SAMSN1: variants seen among roughly 807,000 people sequenced by gnomAD.
SAMSN1 encodes the protein SAM domain-containing protein SAMSN-1.
A neutral mutation model predicts 42.0 loss-of-function variants in SAMSN1; 31 were observed. The ratio of observed to expected loss-of-function variants is 0.74; its 90% CI spans 0.55 to 1.00. The LOEUF (loss-of-function observed/expected upper bound fraction) is 1.00. SAMSN1 is among the 50% of genes least tolerant of loss of function. The pLI, the probability that SAMSN1 is intolerant of heterozygous loss-of-function variation, is 0.00. For synonymous variants in SAMSN1, 178 were observed against 151.9 expected (o/e 1.17, Z -1.26); for missense variants, 464 against 439.4 (o/e 1.06, Z -0.50).
At chr21:14,604,210 G>A (rs1982508849) in intron 5 of SAMSN1, among the ~76,000 whole-genome samples, 1 of 152,184 alleles carries the variant, frequency 6.6e-6, no homozygotes, top group Non-Finnish European at 1.5e-5. Flanking sequence ...AAAGGCAGGA[G>A]TTGAATTAGA....
At chr21:14,617,547 A>G (rs889482479) in intron 2 of SAMSN1, among the ~76,000 whole-genome samples, 2 of 152,160 alleles carry the variant, frequency 1.3e-5, no homozygotes, top group African/African-American at 4.8e-5. Flanking sequence ...TCCACAGTCT[A>G]TGCAATCGGG....
At chr21:14,655,982 T>C (rs1224779883) in intron 1 of SAMSN1, among the ~76,000 whole-genome samples, 2 of 151,786 alleles carry the variant, frequency 1.3e-5, no homozygotes, top group African/African-American at 4.8e-5. Flanking sequence ...GCATCCAAAA[T>C]TCTTGGATGC....
At position 14,558,574 on chromosome 21, in the gene SAMSN1, G is replaced by A. The variant is rs542833828; in HGVS notation, c.261+23562C>T. Among the ~76,000 whole-genome samples, 12 of 152,056 alleles carry A rather than the reference G, an allele frequency of 7.9e-5. No homozygotes were observed. In the South Asian group the frequency reaches 2.3e-3, roughly 29 times the overall value. ...TGCATGCCTGTAGTCCCAGCTACTC[G>A]GGAGGCTGAAGCAGGAGAATTGTCT... On this transcript the variant is annotated intron_variant, in intron 2 of 8. Transcript: ENST00000285670.
chr21:14,571,608 A>G (rs2123220042), intron 2 of SAMSN1, among the ~76,000 whole-genome samples: 3 of 152,352 alleles, frequency 2.0e-5, no homozygotes, highest in African/African-American at 7.2e-5. Flanking sequence ...TGAGCGATAT[A>G]TTATGACTTT....
chr21:14,591,259 G>A (rs1392799544), intron 7 of SAMSN1: 1 of 152,092 alleles, frequency 6.6e-6, no homozygotes, highest in Non-Finnish European at 1.5e-5. Flanking sequence ...GAATGAATTA[G>A]TTAATAAAAT....
intron 1 of SAMSN1, among the ~76,000 whole-genome samples, chr21:14,654,623 C>T (rs963661853): frequency 6.6e-6 from 1 of 151,972 alleles, no homozygotes. Flanking sequence ...AGGGCTCTTG[C>T]TTACAAGAAG....
chr21:14,577,000 G>A (rs1386975380), intron 2 of SAMSN1, among the ~76,000 whole-genome samples: 4 of 148,780 alleles, frequency 2.7e-5, no homozygotes, highest in Non-Finnish European at 5.9e-5. Flanking sequence ...AAATTTGAGA[G>A]GAGGAATGGA....
intron 5 of SAMSN1, 141 bp from the exon 6 acceptor site, chr21:14,500,876 G>T: frequency 2.8e-6 from 2 of 718,872 alleles, no homozygotes; most frequent in South Asian, 1.8e-5. Flanking sequence ...ACATTCACTT[G>T]CTTCAAAAGT....
At chr21:14,597,387 G>T (rs564947020) in intron 6 of SAMSN1, among the ~76,000 whole-genome samples, 1 of 152,190 alleles carries the variant, frequency 6.6e-6, no homozygotes, top group South Asian at 2.1e-4. Flanking sequence ...CCAATGGGAT[G>T]TGTATGGCCA....
chr21:14,624,806 C>T (rs983755305), intron 2 of SAMSN1, among the ~76,000 whole-genome samples: 7 of 152,080 alleles, frequency 4.6e-5, no homozygotes, highest in Admixed American at 2.0e-4. Flanking sequence ...ATACCAAAGC[C>T]GGGAAGAGAC....
intron 6 of SAMSN1, among the ~76,000 whole-genome samples, chr21:14,499,498 A>T (rs1412810886): frequency 6.6e-6 from 1 of 151,648 alleles, no homozygotes; most frequent in Non-Finnish European, 1.5e-5. Flanking sequence ...TAACAAAAAA[A>T]AAAAAAAAAA....
intron 2 of SAMSN1, among the ~76,000 whole-genome samples, chr21:14,632,758 A>T (rs1171501896): frequency 6.6e-6 from 1 of 152,292 alleles, no homozygotes. Flanking sequence ...TTAAGGTTTC[A>T]TCTGAAGGTT....
chr21:14,616,437 A>G (rs948370269), intron 2 of SAMSN1, among the ~76,000 whole-genome samples: 6 of 152,192 alleles, frequency 3.9e-5, no homozygotes, highest in African/African-American at 9.6e-5. Flanking sequence ...TGTTAGTTGT[A>G]TCATAGAGTG....
At chr21:14,542,218 A>T (rs1171721210) in intron 1 of SAMSN1, among the ~76,000 whole-genome samples, 1 of 152,204 alleles carries the variant, frequency 6.6e-6, no homozygotes, top group African/African-American at 2.4e-5. Context: ...GTGGAAACAG[A>T]AATAATATCT....
At chr21:14,574,904 G>A (rs1210720756) in intron 2 of SAMSN1, among the ~76,000 whole-genome samples, 1 of 152,040 alleles carries the variant, frequency 6.6e-6, no homozygotes, top group Non-Finnish European at 1.5e-5. Context: ...AAATGTGTTT[G>A]CATGTCTGGC....
chr21:14,512,693 T>G, intron 3 of SAMSN1, 120 bp from the exon 4 acceptor site: 1 of 929,350 alleles, frequency 1.1e-6, no homozygotes, highest in East Asian at 2.4e-5. Context: ...TACATAAGGA[T>G]AAAATACAAA....
intron 2 of SAMSN1, among the ~76,000 whole-genome samples, chr21:14,571,791 CTTTT>C (rs934219184): frequency 6.6e-6 from 1 of 152,144 alleles, no homozygotes; most frequent in African/African-American, 2.4e-5. Context: ...GCCTCTTCTT[CTTTT>C]TGTCTGTTTT....
At chr21:14,538,512 C>A (rs1979782796) in intron 1 of SAMSN1, among the ~76,000 whole-genome samples, 1 of 152,160 alleles carries the variant, frequency 6.6e-6, no homozygotes, top group South Asian at 2.1e-4. Context: ...GCACCTTGGA[C>A]AAGTACCTGG....
chr21:14,606,942 A>G (rs936748015), intron 5 of SAMSN1, among the ~76,000 whole-genome samples: 3 of 152,262 alleles, frequency 2.0e-5, no homozygotes, highest in South Asian at 4.1e-4. Flanking sequence ...AGGTCCCAAT[A>G]CTCTTTAGGG....
Sources: allele counts gnomAD v4.1 joint callset (sites outside exome capture counted in the v4.1 genomes callset), GRCh38; gene constraint gnomAD v4.1.1; transcripts MANE v1.5; gene names NCBI Gene and HGNC (gene_info 2026-07-23, HGNC 2026-07-21).